The following CNTNAP2 variants were observed in gnomAD, a reference collection of about 807,000 sequenced individuals.
The protein encoded by CNTNAP2 is contactin-associated protein-like 2.
A neutral mutation model predicts 155.2 loss-of-function variants in CNTNAP2; 98 were observed. The observed-to-expected ratio is 0.63, with a 90% confidence interval of 0.54 to 0.75. The LOEUF (loss-of-function observed/expected upper bound fraction) is 0.75, where lower values mean the gene tolerates loss of function less well. CNTNAP2 is among the 30% of genes least tolerant of loss of function. CNTNAP2 has a pLI of 0.00. For missense variants in CNTNAP2, 1,727 were observed against 1,688.1 expected, an observed-to-expected ratio of 1.02 and a Z score of -0.40; for synonymous variants, 651 against 631.2, an observed-to-expected ratio of 1.03 and a Z score of -0.47.
chr7:146,335,151 A>G (rs141332727), intron 1 of CNTNAP2, among the ~76,000 whole-genome samples: 182 of 152,360 alleles, frequency 1.2e-3, no homozygotes, highest in African/African-American at 4.2e-3. Flanking sequence ...TCCACTGACT[A>G]TGCTGGTCTA....
chr7:148,396,672 C>T (rs1390903618), intron 22 of CNTNAP2, among the ~76,000 whole-genome samples: 5 of 152,136 alleles, frequency 3.3e-5, no homozygotes, highest in African/African-American at 1.2e-4. Flanking sequence ...TTATAAATAC[C>T]AATAACTAAA....
intron 20 of CNTNAP2, among the ~76,000 whole-genome samples, chr7:148,261,039 C>T (rs1796550215): frequency 6.6e-6 from 1 of 152,172 alleles, no homozygotes; most frequent in Non-Finnish European, 1.5e-5. Context: ...GCCTCAACTC[C>T]CCGCCTCTGG....
chr7:147,116,077 T>C (rs1363601448), intron 5 of CNTNAP2, among the ~76,000 whole-genome samples: 2 of 152,122 alleles, frequency 1.3e-5, no homozygotes, highest in Non-Finnish European at 2.9e-5. Flanking sequence ...CATAGGGCTA[T>C]TGTGGTTTGC....
At chr7:146,674,001 T>C (rs1158945704) in intron 1 of CNTNAP2, among the ~76,000 whole-genome samples, 1 of 152,226 alleles carries the variant, frequency 6.6e-6, no homozygotes, top group East Asian at 1.9e-4. Context: ...ATGAATACTT[T>C]TAGTTCGTCC....
In CNTNAP2 at chr7:148,088,960, A is replaced by G. The variant is rs1227602420; in HGVS notation, c.2384-29158A>G. On this transcript the variant is annotated intron_variant, in intron 15 of 23. Coordinates refer to ENST00000361727, the MANE Select transcript of CNTNAP2 (RefSeq NM_014141.6). ...CAGCATACTAAAAGAATCATTCATC[A>G]TGGTCAGGTGGGATTTATCCCAGAG... Among the ~76,000 whole-genome samples, 11 of 152,062 alleles carry G rather than the reference A, an allele frequency of 7.2e-5. No individual in the cohort carries two copies. In the East Asian group the frequency reaches 7.7e-4, roughly 11 times the overall value.
In CNTNAP2 at chr7:148,271,523, C is replaced by T. The variant is rs189522052; in HGVS notation, c.3475+4397C>T. Reference sequence around the variant, plus strand: ...AGCGGTGACGCTGAGATTTGAAAAGCGTGATTTGTGACCTAAGACCTATGC... The same window carrying T: ...AGCGGTGACGCTGAGATTTGAAAAGTGTGATTTGTGACCTAAGACCTATGC... On this transcript the variant is annotated intron_variant, in intron 21 of 23. Coordinates refer to ENST00000361727, the MANE Select transcript of CNTNAP2 (RefSeq NM_014141.6). 6.0e-4 allele frequency among the ~76,000 whole-genome samples: 92 copies of T among 152,344 alleles called. 1 individual carries two copies. Among genetic ancestry groups the T allele is most frequent in the African/African-American group, 2.1e-3 (88 of 41,574 alleles).
intron 6 of CNTNAP2, among the ~76,000 whole-genome samples, chr7:147,125,082 G>A (rs796425193): frequency 2.6e-5 from 4 of 151,702 alleles, no homozygotes; most frequent in African/African-American, 9.7e-5. Flanking sequence ...GGGTTTCACT[G>A]TGTTAGCCAG....
Position 147,141,230 on chromosome 7 carries a change from A to C in CNTNAP2, c.1348+8721A>C, listed in dbSNP as rs1801588482. 2.6e-5 allele frequency among the ~76,000 whole-genome samples: 4 copies of C among 152,144 alleles called. No individual in the cohort carries two copies. The South Asian group carries it at 8.3e-4, about 32-fold the overall frequency. Reference sequence around the variant, plus strand: ...TTCCTGACACATGCGAAGATTTAACAATCACCACCCTTCTTTTAAAGTGCC... The same window carrying C: ...TTCCTGACACATGCGAAGATTTAACCATCACCACCCTTCTTTTAAAGTGCC... On this transcript the variant is annotated intron_variant, in intron 8 of 23. Transcript: ENST00000361727.
At chr7:146,486,055 T>C (rs1797052204) in intron 1 of CNTNAP2, among the ~76,000 whole-genome samples, 2 of 76,494 alleles carry the variant, frequency 2.6e-5, no homozygotes, top group Admixed American at 1.1e-4. Context: ...TCTTTTTTTT[T>C]TTTTTTTTTT....
At chr7:146,369,623 T>A (rs1388615684) in intron 1 of CNTNAP2, among the ~76,000 whole-genome samples, 1 of 152,194 alleles carries the variant, frequency 6.6e-6, no homozygotes, top group Admixed American at 6.5e-5. Flanking sequence ...GTAAGTTATT[T>A]ATTAAATTAT....
At chr7:147,814,382 G>A (rs1056406127) in intron 13 of CNTNAP2, among the ~76,000 whole-genome samples, 1 of 152,088 alleles carries the variant, frequency 6.6e-6, no homozygotes, top group Non-Finnish European at 1.5e-5. Flanking sequence ...ACTGAACCTT[G>A]TTATGCATTT....
intron 2 of CNTNAP2, among the ~76,000 whole-genome samples, chr7:146,816,756 G>A (rs1238364695): frequency 2.0e-5 from 3 of 152,098 alleles, no homozygotes; most frequent in African/African-American, 7.2e-5. Flanking sequence ...TAAAAGTCAT[G>A]CCCTGGGTCA....
intron 3 of CNTNAP2, among the ~76,000 whole-genome samples, chr7:146,868,402 C>A (rs1795244382): frequency 6.6e-6 from 1 of 152,164 alleles, no homozygotes; most frequent in African/African-American, 2.4e-5. Flanking sequence ...CATTACCATG[C>A]TGTTTTCATT....
intron 11 of CNTNAP2, among the ~76,000 whole-genome samples, chr7:147,559,891 C>A (rs967481036): frequency 6.6e-6 from 1 of 150,844 alleles, no homozygotes; most frequent in African/African-American, 2.4e-5. Context: ...ACATTTGAGG[C>A]CAGGTGCAGT....
chr7:148,000,875 A>T (rs1203577755), intron 15 of CNTNAP2, among the ~76,000 whole-genome samples: 1 of 152,220 alleles, frequency 6.6e-6, no homozygotes, highest in African/African-American at 2.4e-5. Context: ...GTCAAGCATC[A>T]GCAGGGCCAC....
intron 13 of CNTNAP2, among the ~76,000 whole-genome samples, chr7:147,737,400 G>A (rs1013928285): frequency 4.6e-5 from 7 of 152,130 alleles, no homozygotes; most frequent in African/African-American, 1.2e-4. Flanking sequence ...TCTCAGAGGG[G>A]TACCCGGCCG....
At chr7:147,921,042 C>T (rs1286810889) in intron 14 of CNTNAP2, among the ~76,000 whole-genome samples, 1 of 152,010 alleles carries the variant, frequency 6.6e-6, no homozygotes, top group Admixed American at 6.5e-5. Flanking sequence ...ATCTCCTGAC[C>T]TTGTGATCTG....
chr7:148,412,889 T>A (rs7783879), intron 23 of CNTNAP2, among the ~76,000 whole-genome samples: 88,930 of 152,072 alleles, frequency 0.58, 26,712 homozygotes, highest in African/African-American at 0.67. Context: ...TGAAAGCTGT[T>A]TGATGAATGG....
chr7:146,907,684 T>G (rs1315261682), intron 3 of CNTNAP2, among the ~76,000 whole-genome samples: 3 of 150,238 alleles, frequency 2.0e-5, no homozygotes, highest in Non-Finnish European at 3.0e-5. Context: ...CGGTACCAGC[T>G]GCTGCAAAAT....
Sources: gnomAD v4.1 joint callset for allele counts (sites outside exome capture counted in the v4.1 genomes callset) on GRCh38, gnomAD v4.1.1 for gene constraint, MANE v1.5 for transcripts, NCBI Gene and HGNC (gene_info 2026-07-23, HGNC 2026-07-21) for gene names.